Variants in METTL21A observed in about 807,000 individuals in gnomAD.
METTL21A encodes the protein methyltransferase 21A, HSPA lysine.
In METTL21A, 22 loss-of-function variants were observed where a neutral mutation model predicts 20.9. That is an observed-to-expected ratio of 1.05 (90% CI 0.75 to 1.50). The LOEUF (loss-of-function observed/expected upper bound fraction) is 1.50, where lower values mean the gene tolerates loss of function less well. Among genes scored for constraint, METTL21A ranks in the 40% most tolerant of loss-of-function variants. The probability of loss-of-function intolerance (pLI) is 0.00; values close to 1 mark genes in which losing one functional copy is unlikely to be tolerated. For synonymous variants in METTL21A, 93 were observed against 102.0 expected (o/e 0.91, Z 0.53); for missense variants, 271 against 266.8 (o/e 1.02, Z -0.11).
At chr2:207,618,467 G>T (rs1444062413) in intron 3 of METTL21A, among the ~76,000 whole-genome samples, 1 of 152,106 alleles carries the variant, frequency 6.6e-6, no homozygotes, top group Non-Finnish European at 1.5e-5. Context: ...CATAATAAAA[G>T]TTATGGGTGG....
At chr2:207,585,956 A>C (rs958474585) in intron 3 of METTL21A, among the ~76,000 whole-genome samples, 1 of 151,718 alleles carries the variant, frequency 6.6e-6, no homozygotes, top group Admixed American at 6.5e-5. Context: ...CTATTTAACA[A>C]AATAATCACT....
intron 3 of METTL21A, among the ~76,000 whole-genome samples, chr2:207,614,237 C>CA (rs1179831962): frequency 6.6e-6 from 1 of 152,052 alleles, no homozygotes; most frequent in Admixed American, 6.6e-5. Context: ...TCCATCTCTA[C>CA]AAATAATTTT....
intron 3 of METTL21A, among the ~76,000 whole-genome samples, chr2:207,592,358 A>G (rs1052458417): frequency 1.3e-5 from 2 of 152,152 alleles, no homozygotes; most frequent in Non-Finnish European, 2.9e-5. Context: ...AGTAGCCCAG[A>G]TCACGCCACT....
chr2:207,587,608 C>T (rs1264000458), intron 3 of METTL21A, among the ~76,000 whole-genome samples: 1 of 152,030 alleles, frequency 6.6e-6, no homozygotes. Context: ...TACTGTCAAG[C>T]CACTAAAAAG....
Position 207,585,531 on chromosome 2 carries a change from A to G in METTL21A, c.260-3371T>C, listed in dbSNP as rs1239282078. 3.9e-5 allele frequency among the ~76,000 whole-genome samples: 6 copies of G among 152,348 alleles called. No individual in the cohort carries two copies. The East Asian group carries it at 1.2e-3, about 29-fold the overall frequency. On this transcript the variant is annotated intron_variant, in intron 3 of 3. Coordinates refer to the METTL21A transcript ENST00000425132. ...ACAAGAAACATAAAATACTGAGGAA[A>G]CACGATACCTCCAAAGGAACACAAT... is the stretch of plus-strand genomic sequence containing the variant.
downstream of METTL21A, among the ~76,000 whole-genome samples, chr2:207,608,918 T>A (rs569707842): frequency 2.6e-5 from 4 of 152,360 alleles, no homozygotes; most frequent in African/African-American, 9.6e-5. Flanking sequence ...AGAGCGAATA[T>A]GCATTCCCAA....
chr2:207,593,720 T>A (rs1339266984), intron 3 of METTL21A, among the ~76,000 whole-genome samples: 1 of 6,386 alleles, frequency 1.6e-4, no homozygotes, highest in Non-Finnish European at 2.9e-4. Context: ...CCTCACAAAC[T>A]TTTTTTTTTT....
chr2:207,582,923 A>G (rs2083198569), intron 3 of METTL21A: 1 of 261,548 alleles, frequency 3.8e-6, no homozygotes, highest in East Asian at 1.5e-4. Flanking sequence ...AAAAAAATAT[A>G]TATATATACA....
intron 3 of METTL21A, among the ~76,000 whole-genome samples, chr2:207,592,911 C>CAAAAAAGAAAAA (rs146008919): frequency 3.2e-4 from 46 of 145,200 alleles, no homozygotes; most frequent in South Asian, 6.7e-4. Flanking sequence ...GACTCCATCT[C>CAAAAAAGAAAAA]AAAAAAGAAA....
intron 3 of METTL21A, among the ~76,000 whole-genome samples, chr2:207,582,585 A>G (rs1574912517): frequency 6.6e-6 from 1 of 152,040 alleles, no homozygotes; most frequent in Non-Finnish European, 1.5e-5. Context: ...CTTTTTAAGC[A>G]CATCTTTACT....
chr2:207,615,188 G>C (rs1477487410), intron 3 of METTL21A, among the ~76,000 whole-genome samples: 2 of 152,162 alleles, frequency 1.3e-5, no homozygotes, highest in African/African-American at 4.8e-5. Context: ...AAAAATTGCA[G>C]ACAGCCAGGC....
In METTL21A at chr2:207,598,486, T is replaced by TA. The variant is rs143222694; in HGVS notation, c.260-16327dup. The TA allele has an allele frequency of 3.5e-3, 588 of 169,098 alleles. 4 individuals are homozygous for TA. The highest frequency in any genetic ancestry group is 0.012 in the African/African-American group (504 of 40,826). 10.5% of individuals were successfully genotyped at this position (169,098 alleles called of 1,614,324 possible). A position where few individuals can be genotyped will look rare whatever the true frequency, so the allele number is the denominator to read the frequency against. ...GCTCGATAAATCTAACAGTTACTCT[T>TA]AAAAAAAAAAAAAAAAGACTAAGGT... On this transcript the variant is annotated intron_variant, in intron 3 of 3. Transcript: ENST00000425132.
At chr2:207,602,494 CT>C (rs2087248031) in intron 3 of METTL21A, 1 of 204,726 alleles carries the variant, frequency 4.9e-6, no homozygotes, top group Non-Finnish European at 1.0e-5. Flanking sequence ...CATTACTTGC[CT>C]ATAGAAGTAT....
chr2:207,582,916 A>ATAT lies in METTL21A; in HGVS notation c.260-757_260-756insATA, dbSNP rs200152562. 3.4e-3 allele frequency: 794 copies of ATAT among 232,434 alleles called. 3 individuals carry two copies. Among genetic ancestry groups the ATAT allele is most frequent in the Middle Eastern group, 0.015 (24 of 1,574 alleles). The allele number at this position is 232,434 out of a possible 1,614,324, so 14.4% of individuals were successfully genotyped here. A position where few individuals can be genotyped will look rare whatever the true frequency, so the allele number is the denominator to read the frequency against. On this transcript the variant is annotated intron_variant, in intron 3 of 3. Transcript: ENST00000425132. ...AAAAAAACAAACAAACAAACAAAAA[A>ATAT]AAATATATATATATACATACACACA...
chr2:207,582,022 A>G (rs961988849), exon 4 of METTL21A: 17 of 698,902 alleles, frequency 2.4e-5, no homozygotes, highest in Admixed American at 6.0e-5. Context: ...ATAACATCAC[A>G]TCCGGGAGCA....
downstream of METTL21A, among the ~76,000 whole-genome samples, chr2:207,605,103 G>A (rs2087869609): frequency 6.6e-6 from 1 of 152,106 alleles, no homozygotes; most frequent in Non-Finnish European, 1.5e-5. Flanking sequence ...GGAGTTGCTG[G>A]GTCATGTTGA....
At chr2:207,606,240 C>T (rs1006399073), downstream of METTL21A, among the ~76,000 whole-genome samples, 4 of 152,068 alleles carry the variant, frequency 2.6e-5, no homozygotes, top group Admixed American at 2.0e-4. Context: ...TTTGGGAGGC[C>T]GAGGCAGAGG....
intron 3 of METTL21A, chr2:207,597,108 C>T: frequency 1.3e-6 from 2 of 1,525,862 alleles, no homozygotes; most frequent in Non-Finnish European, 8.8e-7. Context: ...ACTGGCTTGG[C>T]CACAACCTGA....
chr2:207,618,084 G>C (rs1408257713), intron 3 of METTL21A, among the ~76,000 whole-genome samples: 1 of 152,180 alleles, frequency 6.6e-6, no homozygotes, highest in Non-Finnish European at 1.5e-5. Flanking sequence ...ATTTGCACTC[G>C]AATTACAGGA....
Sources: gnomAD v4.1 joint callset for allele counts (sites outside exome capture counted in the v4.1 genomes callset) on GRCh38, gnomAD v4.1.1 for gene constraint, MANE v1.5 for transcripts, NCBI Gene and HGNC (gene_info 2026-07-23, HGNC 2026-07-21) for gene names.